The following ST3GAL6 variants were observed in gnomAD, a reference collection of about 807,000 sequenced individuals.
ST3GAL6 encodes ST3 beta-galactoside alpha-2,3-sialyltransferase 6.
In ST3GAL6, 31 loss-of-function variants were observed where a neutral mutation model predicts 40.5. That is an observed-to-expected ratio of 0.77 (90% confidence interval 0.58 to 1.03). ST3GAL6 has a LOEUF of 1.03. ST3GAL6 is among the 50% of genes least tolerant of loss of function. ST3GAL6 has a pLI of 0.00. For synonymous variants in ST3GAL6, 129 were observed against 136.9 expected, an observed-to-expected ratio of 0.94 and a Z score of 0.40; for missense variants, 357 against 393.2, an observed-to-expected ratio of 0.91 and a Z score of 0.78.
chr3:98,792,079 C>G, intron 9 of ST3GAL6, 86 bp downstream of exon 9: 1 of 1,311,904 alleles, frequency 7.6e-7, no homozygotes, highest in Non-Finnish European at 1.0e-6. Context: ...TTCTCACACT[C>G]ATTTTACTGA....
upstream of ST3GAL6, among the ~76,000 whole-genome samples, chr3:98,760,508 C>T (rs190033305): frequency 1.3e-5 from 2 of 152,272 alleles, no homozygotes; most frequent in East Asian, 1.9e-4. Context: ...AAGTCGAGTA[C>T]GTACACATTA....
chr3:98,782,346 T>G (rs1158664841), intron 5 of ST3GAL6: 17 of 700,318 alleles, frequency 2.4e-5, no homozygotes, highest in Non-Finnish European at 4.2e-5. Flanking sequence ...ATTACAGCCA[T>G]TGATAGGGAA....
rs183397297 is a variant in ST3GAL6 at position 98,779,585 on chromosome 3, G to A, written c.336-5360G>A. ...CAAGTTTGCTTGCTCTATATTGATT[G>A]TGTTTAATGTTTCCCTCTGCATAAG... On this transcript the variant is annotated intron_variant, in intron 5 of 9. Transcript: ENST00000483910. Among the ~76,000 whole-genome samples, 11 of 152,296 alleles carry A rather than the reference G, an allele frequency of 7.2e-5. No individual in the cohort carries two copies. The East Asian group carries it at 1.9e-3, about 27-fold the overall frequency.
chr3:98,740,441 T>C (rs867192984), intron 1 of ST3GAL6, among the ~76,000 whole-genome samples: 1 of 152,296 alleles, frequency 6.6e-6, no homozygotes, highest in Middle Eastern at 3.4e-3. Context: ...TTCTTTTTAT[T>C]GTCCTGTTTG....
At chr3:98,736,481 G>A (rs1223957486) in intron 1 of ST3GAL6, among the ~76,000 whole-genome samples, 1 of 152,218 alleles carries the variant, frequency 6.6e-6, no homozygotes, top group Non-Finnish European at 1.5e-5. Context: ...CCAGAGGTGG[G>A]AGGGTTATTC....
At chr3:98,782,168 T>C (rs1341746171) in intron 5 of ST3GAL6, 9 of 682,168 alleles carry the variant, frequency 1.3e-5, no homozygotes, top group South Asian at 3.1e-5. Flanking sequence ...TCAAACTTGC[T>C]TGTAAAAGCA....
At chr3:98,751,254 G>T (rs574454889) in intron 1 of ST3GAL6, among the ~76,000 whole-genome samples, 11 of 151,966 alleles carry the variant, frequency 7.2e-5, no homozygotes, top group Non-Finnish European at 1.2e-4. Flanking sequence ...AAATTGTGAT[G>T]GATTCTTTAG....
chr3:98,761,949 G>A (rs1937818770), upstream of ST3GAL6, among the ~76,000 whole-genome samples: 1 of 152,204 alleles, frequency 6.6e-6, no homozygotes. Context: ...AAATTCTGCT[G>A]AGAAGTCATT....
At chr3:98,771,985 G>A (rs774042377) in intron 3 of ST3GAL6, among the ~76,000 whole-genome samples, 2 of 152,018 alleles carry the variant, frequency 1.3e-5, no homozygotes, top group Non-Finnish European at 1.5e-5. Context: ...AAAAGATGCC[G>A]ATCGTGACTC....
At chr3:98,777,685 G>A (rs902862259) in intron 5 of ST3GAL6, among the ~76,000 whole-genome samples, 3 of 152,178 alleles carry the variant, frequency 2.0e-5, no homozygotes, top group African/African-American at 7.2e-5. Context: ...TCAGGATTCT[G>A]AAGTCAAATA....
chr3:98,771,025 C>A, intron 3 of ST3GAL6, 69 bp downstream of exon 3: 2 of 1,567,798 alleles, frequency 1.3e-6, no homozygotes, highest in South Asian at 1.1e-5. Flanking sequence ...ATTTTCCACA[C>A]TTGTTTATTT....
chr3:98,778,825 G>GT (rs1205763004), intron 5 of ST3GAL6, among the ~76,000 whole-genome samples: 3 of 152,196 alleles, frequency 2.0e-5, no homozygotes, highest in Non-Finnish European at 4.4e-5. Flanking sequence ...CTGGCTGCAA[G>GT]TAATAGTCTT....
At position 98,735,018 on chromosome 3, in the gene ST3GAL6, G is replaced by A. The variant is rs147030667; in HGVS notation, c.-12+2486G>A. ...ATCCAGGAGTGGTGACCAGAGATCT[G>A]TTTAGTATGCATTTTAGGTGATGCT... On this transcript the variant is annotated intron_variant, in intron 1 of 9. Transcript: ENST00000265261. Among the ~76,000 whole-genome samples, 11 of 152,278 alleles carry A rather than the reference G, an allele frequency of 7.2e-5. No individual in the cohort carries two copies. The East Asian group carries it at 1.7e-3, about 24-fold the overall frequency.
chr3:98,785,890 T>A (rs902757790), intron 6 of ST3GAL6, among the ~76,000 whole-genome samples: 1 of 152,144 alleles, frequency 6.6e-6, no homozygotes, highest in Non-Finnish European at 1.5e-5. Flanking sequence ...ATATGTGGAC[T>A]GACTGAAGAT....
At chr3:98,782,873 G>A in intron 5 of ST3GAL6, 1 of 457,718 alleles carries the variant, frequency 2.2e-6, no homozygotes, top group Middle Eastern at 5.8e-4. Flanking sequence ...CCTGGAGTCT[G>A]AGATAAAAGG....
At chr3:98,768,260 T>G (rs1421959046) in intron 1 of ST3GAL6, among the ~76,000 whole-genome samples, 170 bp from the exon 2 acceptor site, 1 of 141,320 alleles carries the variant, frequency 7.1e-6, no homozygotes, top group Non-Finnish European at 1.6e-5. Context: ...AGAAAAAACA[T>G]TATCTTTCTG....
intron 3 of ST3GAL6, among the ~76,000 whole-genome samples, chr3:98,772,610 G>C (rs1939109718): frequency 6.6e-6 from 1 of 151,600 alleles, no homozygotes; most frequent in African/African-American, 2.4e-5. Context: ...CATTTCAGTT[G>C]TGTAGTTCCA....
Position 98,780,800 on chromosome 3 carries a change from CCACG to C in ST3GAL6, c.336-4142_336-4139del, listed in dbSNP as rs1940028536. 3.3e-5 allele frequency among the ~76,000 whole-genome samples: 5 copies of C among 152,042 alleles called. No individual in the cohort carries two copies. The South Asian group carries it at 6.2e-4, about 19-fold the overall frequency. ...TACTCTTACCATGATACTCTTTGGG[CCACG>C]CATTATCTAGGGCTTGATGACCATC... On this transcript the variant is annotated intron_variant, in intron 5 of 9. Transcript: ENST00000483910.
chr3:98,788,088 A>G lies in ST3GAL6; in HGVS notation c.484A>G (p.Thr162Ala), dbSNP rs1559754689. Residue 162 changes from threonine (T) to alanine (A), a missense_variant, in exon 7 of 10, where the codon ACC (threonine) becomes GCC (alanine). Coordinates refer to ENST00000483910, the MANE Select transcript of ST3GAL6 (RefSeq NM_001323368.2). ...TGAAGAAGAAGTTGGGAGAAGGACA[A>G]CCTTCCGACTTTTTTATCCAGAATC... ...GHEEEVGRRT[T>A]FRLFYPESVF... 4 of 1,613,996 alleles carry G rather than the reference A, an allele frequency of 2.5e-6. No homozygotes were observed. Among genetic ancestry groups the G allele is most frequent in the South Asian group, 1.1e-5 (1 of 91,064 alleles).
Sources: gnomAD v4.1 joint callset for allele counts (sites outside exome capture counted in the v4.1 genomes callset) on GRCh38, gnomAD v4.1.1 for gene constraint, MANE v1.5 for transcripts, NCBI Gene and HGNC (gene_info 2026-07-23, HGNC 2026-07-21) for gene names.